The following PINLYP variants were observed in gnomAD, a reference collection of about 807,000 sequenced individuals.
The protein encoded by PINLYP is phospholipase A2 inhibitor and LY6/PLAUR domain containing.
Under a neutral mutation model 15.8 loss-of-function variants are expected in PINLYP, and 12 were observed. The observed-to-expected ratio is 0.76, with a 90% CI of 0.49 to 1.23. The LOEUF (loss-of-function observed/expected upper bound fraction) is 1.23. PINLYP is among the 50% of genes most tolerant of loss of function. The pLI, the probability that PINLYP is intolerant of heterozygous loss-of-function variation, is 0.00. For missense variants in PINLYP, 278 were observed against 264.2 expected, an observed-to-expected ratio of 1.05 and a Z score of -0.36; for synonymous variants, 93 against 97.7, an observed-to-expected ratio of 0.95 and a Z score of 0.28.
At chr19:43,579,054 G>A (rs1285055809) in intron 3 of PINLYP, 17 of 295,852 alleles carry the variant, frequency 5.7e-5, no homozygotes, top group Admixed American at 1.4e-4. Context: ...ACTGGCAGGA[G>A]GTGGAAATGG....
At chr19:43,580,459 T>C in intron 3 of PINLYP, 1 of 867,148 alleles carries the variant, frequency 1.2e-6, no homozygotes, top group Non-Finnish European at 1.4e-6. Context: ...GAGAGGAGGA[T>C]GCCTGTTGCT....
chr19:43,580,962 G>A (rs1972923687), intron 3 of PINLYP: 1 of 433,572 alleles, frequency 2.3e-6, no homozygotes, highest in African/African-American at 2.1e-5. Context: ...AAATAGCCGG[G>A]CATGGTGGCG....
rs202164481 is a variant in PINLYP at position 43,581,968 on chromosome 19, C to T, written c.582C>T (p.Phe194=). 3.8e-5 allele frequency: 59 copies of T among 1,536,388 alleles called. No homozygotes were observed. The East Asian group carries it at 1.3e-3, about 34-fold the overall frequency. Reference sequence around the variant, plus strand: ...TACCCACAGGCACCAATGTCCTCTTCCTCCATCATATAGAGTGCACTCACT... The same window carrying T: ...TACCCACAGGCACCAATGTCCTCTTTCTCCATCATATAGAGTGCACTCACT... The change falls in exon 6 of 6, where the codon TTC becomes TTT. Residue 194 remains phenylalanine, a synonymous_variant. Transcript: ENST00000599207.
chr19:43,579,799 G>A (rs1972908533), intron 3 of PINLYP, among the ~76,000 whole-genome samples: 1 of 151,944 alleles, frequency 6.6e-6, no homozygotes, highest in South Asian at 2.1e-4. Flanking sequence ...CCACTTGGGA[G>A]GCTGAGGCAG....
At chr19:43,575,973 C>T (rs1305269055) in exon 1 of PINLYP, 7 of 152,266 alleles carry the variant, frequency 4.6e-5, no homozygotes, top group Non-Finnish European at 1.0e-4. Flanking sequence ...ACGATCTCGG[C>T]TTTCTGCAAC....
At chr19:43,581,405 A>G (rs1972930793) in intron 4 of PINLYP, 41 bp downstream of exon 4, 1 of 1,534,560 alleles carries the variant, frequency 6.5e-7, no homozygotes, top group Non-Finnish European at 8.7e-7. Context: ...CTGGCTCTCC[A>G]CTGACCCTTG....
exon 3 of PINLYP, chr19:43,578,618 G>A (rs909096856): frequency 1.2e-5 from 19 of 1,535,816 alleles, no homozygotes; most frequent in East Asian, 4.9e-5. Flanking sequence ...AAATATGTAC[G>A]GCGGCGGGGA....
At chr19:43,577,349 G>A in intron 2 of PINLYP, 88 bp downstream of exon 2, 2 of 1,301,940 alleles carry the variant, frequency 1.5e-6, no homozygotes, top group Non-Finnish European at 1.0e-6. Flanking sequence ...GAGAGAGAAA[G>A]AGCCTTCAGC....
At chr19:43,581,771 A>C in intron 5 of PINLYP, 68 bp downstream of exon 5, 3 of 1,533,744 alleles carry the variant, frequency 2.0e-6, no homozygotes, top group Non-Finnish European at 2.6e-6. Flanking sequence ...GTTCGATGGG[A>C]GGAGAGGGTT....
At chr19:43,578,195 G>C (rs1972888117) in intron 2 of PINLYP, among the ~76,000 whole-genome samples, 1 of 152,092 alleles carries the variant, frequency 6.6e-6, no homozygotes, top group African/African-American at 2.4e-5. Context: ...CTGTCTACAA[G>C]ACCTACATGG....
chr19:43,578,596 C>A, exon 3 of PINLYP: 1 of 1,535,216 alleles, frequency 6.5e-7, no homozygotes, highest in Non-Finnish European at 8.7e-7. Context: ...GCAGGGTGCC[C>A]ACTACACTGC....
intron 3 of PINLYP, chr19:43,580,398 A>G (rs1027361429): frequency 2.6e-6 from 1 of 390,508 alleles, no homozygotes; most frequent in Non-Finnish European, 3.5e-6. Flanking sequence ...CAAGAGGGGC[A>G]GCAAGAGACC....
chr19:43,577,690 G>T (rs1972883363), intron 2 of PINLYP, among the ~76,000 whole-genome samples: 1 of 151,852 alleles, frequency 6.6e-6, no homozygotes, highest in Admixed American at 6.6e-5. Context: ...ATCACTTGAG[G>T]TCAGGAGTTC....
At chr19:43,578,551 C>CA (rs1169473684) in intron 2 of PINLYP, 39 bp from the exon 3 acceptor site, 1 of 1,462,168 alleles carries the variant, frequency 6.8e-7, no homozygotes, top group South Asian at 1.2e-5. Flanking sequence ...AAGACCACAC[C>CA]ACCCATGACT....
At chr19:43,579,356 C>T (rs1046027198) in intron 3 of PINLYP, among the ~76,000 whole-genome samples, 3 of 152,008 alleles carry the variant, frequency 2.0e-5, no homozygotes, top group African/African-American at 7.2e-5. Context: ...AGCGATTCTC[C>T]TGCCTCAGCC....
exon 4 of PINLYP, chr19:43,581,314 C>T (rs1189585270): frequency 6.5e-7 from 1 of 1,537,012 alleles, no homozygotes; most frequent in South Asian, 1.2e-5. Flanking sequence ...CACATGGTAA[C>T]CAGCTCCTTC....
chr19:43,575,538 G>T (rs771485934), upstream of PINLYP: 13 of 1,465,540 alleles, frequency 8.9e-6, no homozygotes, highest in South Asian at 2.4e-5. Context: ...GGGAGGGGGC[G>T]GGGTGCGCCC....
rs1972879437 is a variant in PINLYP, at chr19:43,577,357, A to G, written c.70+96A>G. On this transcript the variant is annotated intron_variant, in intron 2 of 5. Coordinates refer to ENST00000599207, the Ensembl canonical transcript of PINLYP. ...AGATATAGAGAGAGAAAGAGCCTTC[A>G]GCAAGTCCTCAAGGTGAACGGGGAG... 8 of 1,265,048 alleles carry G rather than the reference A, an allele frequency of 6.3e-6. No homozygotes were observed. In the East Asian group the frequency reaches 2.1e-4, roughly 33 times the overall value. The allele number at this position is 1,265,048 out of a possible 1,614,324, so 78.4% of individuals were successfully genotyped here. A position where few individuals can be genotyped will look rare whatever the true frequency, so the allele number is the denominator to read the frequency against.
At chr19:43,581,640 C>T in exon 5 of PINLYP, 1 of 1,536,514 alleles carries the variant, frequency 6.5e-7, no homozygotes, top group Non-Finnish European at 8.7e-7. Context: ...ATGCATGGGG[C>T]CCATGACCCA....
Sources: gnomAD v4.1 joint callset for allele counts (sites outside exome capture counted in the v4.1 genomes callset) on GRCh38, gnomAD v4.1.1 for gene constraint, MANE v1.5 for transcripts, NCBI Gene and HGNC (gene_info 2026-07-23, HGNC 2026-07-21) for gene names.